ATXN7: variants seen among roughly 807,000 people sequenced by gnomAD.
ATXN7 encodes the protein ataxin 7.
A neutral mutation model predicts 70.5 loss-of-function variants in ATXN7; 12 were observed. That is an observed-to-expected ratio of 0.17 (90% CI 0.11 to 0.28). The LOEUF is 0.28. Ranked by LOEUF, ATXN7 falls within the 10% of genes least tolerant of loss-of-function variation. The pLI is 1.00. For synonymous variants in ATXN7, 498 were observed against 448.7 expected (o/e 1.11, Z -1.39); for missense variants, 1,256 against 1,131.7 (o/e 1.11, Z -1.58).
chr3:63,864,360 A>G (rs909924764), intron 1 of ATXN7: 2 of 151,746 alleles, frequency 1.3e-5, no homozygotes, highest in African/African-American at 4.8e-5. Context: ...AGCCCAGGAG[A>G]GGCGGGACTA....
intron 4 of ATXN7, among the ~76,000 whole-genome samples, chr3:63,944,732 T>C (rs1239840585): frequency 2.0e-5 from 3 of 152,184 alleles, no homozygotes; most frequent in Admixed American, 6.5e-5. Context: ...ATTTCTAATG[T>C]GGATCAATTT....
chr3:63,955,108 G>A (rs1239701781), intron 5 of ATXN7, among the ~76,000 whole-genome samples: 1 of 152,166 alleles, frequency 6.6e-6, no homozygotes, highest in East Asian at 1.9e-4. Flanking sequence ...GAATGACAAA[G>A]CGTTGGTGAT....
In ATXN7 at chr3:64,001,081, T is replaced by A. The variant is rs1193788897; in HGVS notation, c.*1614T>A. 1 of 152,132 alleles carries A rather than the reference T, an allele frequency of 6.6e-6. No homozygotes were observed. Among genetic ancestry groups the A allele is most frequent in the Non-Finnish European group, 1.5e-5 (1 of 68,022 alleles). The allele number at this position is 152,132 out of a possible 1,614,324, so 9.4% of individuals were successfully genotyped here. On this transcript the variant is annotated 3_prime_UTR_variant, in exon 13 of 13. Transcript: ENST00000674280. ...AGTTCTTGGGTTTCAAACTTCAGTT[T>A]CAGGGAATTTCAAGTCAACAACAGG...
At chr3:63,984,760 A>G (rs1575988737) in intron 8 of ATXN7, among the ~76,000 whole-genome samples, 1 of 152,174 alleles carries the variant, frequency 6.6e-6, no homozygotes, top group Non-Finnish European at 1.5e-5. Flanking sequence ...CTGAAACTTT[A>G]TGCTCATTGA....
intron 8 of ATXN7, among the ~76,000 whole-genome samples, chr3:63,985,929 G>A (rs1416150926): frequency 6.6e-6 from 1 of 152,204 alleles, no homozygotes; most frequent in African/African-American, 2.4e-5. Context: ...AAGAGATGGA[G>A]AGTATTAATC....
intron 5 of ATXN7, among the ~76,000 whole-genome samples, chr3:63,966,505 C>T (rs370127807): frequency 1.7e-4 from 26 of 152,232 alleles, no homozygotes; most frequent in East Asian, 1.3e-3. Flanking sequence ...TCTTCCCTTG[C>T]GTTCTTCTAG....
intron 12 of ATXN7, among the ~76,000 whole-genome samples, chr3:63,997,397 A>T (rs989295394): frequency 6.6e-6 from 1 of 152,246 alleles, no homozygotes; most frequent in Non-Finnish European, 1.5e-5. Context: ...CTGAAATCTC[A>T]TTCCAAGCTC....
chr3:63,877,927 C>A (rs1047580522), intron 1 of ATXN7, among the ~76,000 whole-genome samples: 1 of 152,152 alleles, frequency 6.6e-6, no homozygotes, highest in Non-Finnish European at 1.5e-5. Context: ...ATATGCCAGT[C>A]CTCTCCTGTG....
At chr3:63,964,126 T>C (rs1274684973) in intron 5 of ATXN7, among the ~76,000 whole-genome samples, 2 of 151,694 alleles carry the variant, frequency 1.3e-5, no homozygotes, top group Admixed American at 6.6e-5. Flanking sequence ...TTAATTTTAA[T>C]TTGAAATAAA....
intron 5 of ATXN7, among the ~76,000 whole-genome samples, chr3:63,975,822 C>T (rs893032800): frequency 6.6e-6 from 1 of 152,148 alleles, no homozygotes; most frequent in African/African-American, 2.4e-5. Flanking sequence ...GGGAAAGAGC[C>T]CCATGAAGCT....
chr3:63,877,079 A>G (rs1387349950), intron 1 of ATXN7, among the ~76,000 whole-genome samples: 1 of 152,216 alleles, frequency 6.6e-6, no homozygotes, highest in African/African-American at 2.4e-5. Flanking sequence ...ATTTAAGAGC[A>G]AAGTCCATAG....
At chr3:63,868,116 C>T (rs1007277480) in intron 1 of ATXN7, among the ~76,000 whole-genome samples, 4 of 152,106 alleles carry the variant, frequency 2.6e-5, no homozygotes, top group African/African-American at 9.7e-5. Context: ...TTGACACCAG[C>T]CGTTGGAGTA....
At chr3:63,955,449 A>T (rs1002441329) in intron 5 of ATXN7, among the ~76,000 whole-genome samples, 3 of 152,162 alleles carry the variant, frequency 2.0e-5, no homozygotes, top group Non-Finnish European at 4.4e-5. Flanking sequence ...GGGAGGCACC[A>T]TGTGGTGGCC....
At chr3:63,886,875 G>A (rs1268840872) in intron 1 of ATXN7, among the ~76,000 whole-genome samples, 1 of 152,160 alleles carries the variant, frequency 6.6e-6, no homozygotes, top group Non-Finnish European at 1.5e-5. Context: ...CAGAATCAGA[G>A]AATGCAGTAT....
At chr3:63,970,746 C>A (rs1181843047) in intron 5 of ATXN7, among the ~76,000 whole-genome samples, 1 of 152,188 alleles carries the variant, frequency 6.6e-6, no homozygotes, top group Non-Finnish European at 1.5e-5. Context: ...TGTCCCTTCC[C>A]CCACTGGAGT....
chr3:63,913,683 T>A (rs1162816871), intron 4 of ATXN7, among the ~76,000 whole-genome samples: 1 of 152,228 alleles, frequency 6.6e-6, no homozygotes, highest in Non-Finnish European at 1.5e-5. Flanking sequence ...GTTGGGGATG[T>A]TAGAAAAAGG....
chr3:64,000,414 G>T lies in ATXN7; in HGVS notation c.*947G>T, dbSNP rs982293327. On this transcript the variant is annotated 3_prime_UTR_variant, in exon 13 of 13. Transcript: ENST00000674280. ...AACAGTATGGCAGATTGGGTTGGTT[G>T]TCCTACCTGGTCTATTTTTAAAAGT... The T allele has an allele frequency of 6.6e-6, 1 of 152,466 alleles. No homozygotes were observed. Among genetic ancestry groups the T allele is most frequent in the Non-Finnish European group, 1.5e-5 (1 of 67,996 alleles). 9.4% of individuals were successfully genotyped at this position (152,466 alleles called of 1,614,324 possible).
chr3:63,884,487 TC>T (rs1703021467), intron 1 of ATXN7, among the ~76,000 whole-genome samples: 2 of 152,110 alleles, frequency 1.3e-5, no homozygotes, highest in Non-Finnish European at 2.9e-5. Flanking sequence ...TGATATAAAA[TC>T]ATAAATATCC....
intron 1 of ATXN7, among the ~76,000 whole-genome samples, chr3:63,890,301 T>G (rs1703217832): frequency 1.3e-5 from 2 of 152,182 alleles, no homozygotes. Context: ...TCTATTAATT[T>G]GTATATTCAT....
Sources: allele counts gnomAD v4.1 joint callset (sites outside exome capture counted in the v4.1 genomes callset), GRCh38; gene constraint gnomAD v4.1.1; transcripts MANE v1.5; gene names NCBI Gene and HGNC (gene_info 2026-07-23, HGNC 2026-07-21).